Variants in SORL1 observed in about 807,000 individuals in gnomAD.
SORL1 encodes sortilin related receptor 1.
A neutral mutation model predicts 273.7 loss-of-function variants in SORL1; 127 were observed. That is an observed-to-expected ratio of 0.46 (90% CI 0.40 to 0.54). The LOEUF (loss-of-function observed/expected upper bound fraction) is 0.54. Among genes scored for constraint, SORL1 ranks in the 20% least tolerant of loss-of-function variants. The probability of loss-of-function intolerance (pLI) is 0.00; values close to 1 mark genes in which losing one functional copy is unlikely to be tolerated. For synonymous variants in SORL1, 1,031 were observed against 1,067.4 expected (o/e 0.97, Z 0.66); for missense variants, 2,494 against 2,846.1 (o/e 0.88, Z 2.81).
intron 16 of SORL1, among the ~76,000 whole-genome samples, chr11:121,552,990 C>T (rs1265212973): frequency 6.6e-6 from 1 of 152,234 alleles, no homozygotes; most frequent in Non-Finnish European, 1.5e-5. Context: ...TGTACTGGGT[C>T]TTCCTATTTC....
chr11:121,515,116 T>C (rs957480767), intron 8 of SORL1, among the ~76,000 whole-genome samples: 2 of 152,234 alleles, frequency 1.3e-5, no homozygotes, highest in African/African-American at 4.8e-5. Flanking sequence ...TTCTGGGCAA[T>C]TCATTCCGTT....
chr11:121,584,515 T>A (rs1591338605), intron 26 of SORL1, among the ~76,000 whole-genome samples: 2 of 152,108 alleles, frequency 1.3e-5, no homozygotes, highest in East Asian at 3.9e-4. Flanking sequence ...TTTTCATACT[T>A]ATACCTAATC....
chr11:121,473,704 G>A (rs1251098123), intron 2 of SORL1, among the ~76,000 whole-genome samples: 1 of 152,116 alleles, frequency 6.6e-6, no homozygotes, highest in Admixed American at 6.6e-5. Flanking sequence ...AGACCAGCCC[G>A]GCCAACATGG....
intron 2 of SORL1, among the ~76,000 whole-genome samples, chr11:121,477,685 A>G (rs1262857696): frequency 6.6e-6 from 1 of 151,972 alleles, no homozygotes; most frequent in Non-Finnish European, 1.5e-5. Context: ...GTCATTTCCT[A>G]TCAGGCACCT....
chr11:121,606,387 G>A (rs1629493), intron 35 of SORL1, among the ~76,000 whole-genome samples: 74,338 of 152,070 alleles, frequency 0.49, 20,068 homozygotes, highest in Non-Finnish European at 0.63. Flanking sequence ...TCATTAAGGA[G>A]CCTGCTTTGA....
Position 121,605,098 on chromosome 11 carries a change from C to T in SORL1, c.4652-15C>T. 1.3e-6 allele frequency: 2 copies of T among 1,599,192 alleles called. No homozygotes were observed. Among genetic ancestry groups the T allele is most frequent in the Non-Finnish European group, 8.5e-7 (1 of 1,172,744 alleles). The stretch of plus-strand genomic sequence containing the variant: ...GATGTAACTTTGTTTGTCTTTTTCT[C>T]CTTTATCTCTCTAGATGAGTTGACT... On this transcript the variant is annotated splice_polypyrimidine_tract_variant and intron_variant, in intron 33 of 47. Transcript: ENST00000260197.
At position 121,520,822 on chromosome 11, in the gene SORL1, G is replaced by A. The variant is rs1301870458; in HGVS notation, c.1377G>A (p.Thr459=). 6.9e-6 allele frequency: 11 copies of A among 1,596,512 alleles called. No homozygotes were observed. The highest frequency in any genetic ancestry group is 1.1e-5 in the South Asian group (1 of 87,354). The change falls in exon 9 of 48, where the codon ACG becomes ACA. Residue 459 remains threonine, a synonymous_variant. Transcript: ENST00000260197. ...AGTTTCTTCAGGCTCCAGCCTTCAC[G>A]GGATATGGAGAGAAAATCAATTGTG... is the stretch of plus-strand genomic sequence containing the variant. ...TWEFLQAPAF[T]GYGEKINCEL...
chr11:121,583,483 C>CGA lies in SORL1; in HGVS notation c.3606_3607insGA (p.Asn1203GlufsTer139). ...CCATCTATCACACCTGTGAGGCCTC[C>CGA]AACTTCCAGTGCCGAAACGGGCACT... On this transcript the variant is annotated frameshift_variant, in exon 26 of 48. Coordinates refer to ENST00000260197, the MANE Select transcript of SORL1 (RefSeq NM_003105.6). LOFTEE classifies it high-confidence loss of function. 6.2e-7 allele frequency: 1 copy of CGA among 1,613,076 alleles called. No homozygotes were observed. The highest frequency in any genetic ancestry group is 8.5e-7 in the Non-Finnish European group (1 of 1,179,546).
At chr11:121,537,490 G>C (rs139943379) in intron 12 of SORL1, among the ~76,000 whole-genome samples, 12 of 152,244 alleles carry the variant, frequency 7.9e-5, no homozygotes, top group African/African-American at 2.9e-4. Context: ...AAAGGAGTAG[G>C]CTTGCAGGGC....
chr11:121,538,372 C>T (rs1369874073), intron 12 of SORL1, among the ~76,000 whole-genome samples: 1 of 152,158 alleles, frequency 6.6e-6, no homozygotes, highest in Admixed American at 6.5e-5. Flanking sequence ...TTACAGGCAA[C>T]CACTGGTATG....
At chr11:121,489,945 C>T (rs898039955) in intron 4 of SORL1, 98 bp from the exon 5 acceptor site, 23 of 862,552 alleles carry the variant, frequency 2.7e-5, no homozygotes, top group Non-Finnish European at 4.1e-5. Context: ...TCACAGACAG[C>T]GTGTCATGGA....
intron 3 of SORL1, among the ~76,000 whole-genome samples, chr11:121,478,525 C>T (rs1361487282): frequency 6.6e-6 from 1 of 152,196 alleles, no homozygotes; most frequent in Non-Finnish European, 1.5e-5. Flanking sequence ...AATACCTTGC[C>T]CGACTTGCAG....
intron 2 of SORL1, among the ~76,000 whole-genome samples, chr11:121,471,293 C>T (rs774260857): frequency 6.6e-6 from 1 of 152,194 alleles, no homozygotes; most frequent in Non-Finnish European, 1.5e-5. Context: ...TCTGGTTTTC[C>T]AGAGGAACCC....
rs202224338 is a variant in SORL1 at position 121,550,567 on chromosome 11, C to T, written c.2181-18C>T. 1 of 1,612,998 alleles carries T rather than the reference C, an allele frequency of 6.2e-7. No homozygotes were observed. The highest frequency in any genetic ancestry group is 1.3e-5 in the African/African-American group (1 of 75,016). On this transcript the variant is annotated intron_variant, in intron 15 of 47. Transcript: ENST00000260197. The surrounding 1 kb of genome is among the most constrained non-coding windows in gnomAD (Gnocchi z 5.3). ...TCTTCCATGTTTCTGACCTCTTGCT[C>T]TTGGGGTGGGGTGACAGCTACCGGA... is the stretch of plus-strand genomic sequence containing the variant.
intron 41 of SORL1, among the ~76,000 whole-genome samples, chr11:121,616,840 C>T (rs1440107648): frequency 1.3e-5 from 2 of 152,194 alleles, no homozygotes; most frequent in Non-Finnish European, 2.9e-5. Flanking sequence ...GTCCTGAGAA[C>T]ATGTGCCCAA....
At chr11:121,461,854 G>A (rs1861005696) in intron 1 of SORL1, among the ~76,000 whole-genome samples, 1 of 152,184 alleles carries the variant, frequency 6.6e-6, no homozygotes, top group South Asian at 2.1e-4. Context: ...CGTTTTGTGA[G>A]GAATGGCTTA....
At chr11:121,523,302 T>TG (rs1353790616) in intron 11 of SORL1, among the ~76,000 whole-genome samples, 1 of 151,974 alleles carries the variant, frequency 6.6e-6, no homozygotes, top group Non-Finnish European at 1.5e-5. Flanking sequence ...TGGCATGGAG[T>TG]GGGGGCTCAG....
Position 121,620,615 on chromosome 11 carries a change from T to C in SORL1, c.5890-449T>C, listed in dbSNP as rs538782988. Among the ~76,000 whole-genome samples, 76 of 152,036 alleles carry C rather than the reference T, an allele frequency of 5.0e-4. 1 individual carries two copies. Among genetic ancestry groups the C allele is most frequent in the Non-Finnish European group, 8.2e-4 (56 of 67,986 alleles). On this transcript the variant is annotated intron_variant, in intron 43 of 47. Coordinates refer to ENST00000260197, the MANE Select transcript of SORL1 (RefSeq NM_003105.6). ...ACTATATGCCCTGTTATTTTCCCCT[T>C]GCCCCCCTATACCCAGAAGCAGCCT...
chr11:121,515,022 C>T (rs1018318973), intron 8 of SORL1, among the ~76,000 whole-genome samples: 14 of 152,124 alleles, frequency 9.2e-5, no homozygotes, highest in African/African-American at 2.4e-4. Context: ...AAGAGTCTCC[C>T]GTGTGAAGCT....
Sources: gnomAD v4.1 joint callset for allele counts (sites outside exome capture counted in the v4.1 genomes callset) on GRCh38, gnomAD v4.1.1 for gene constraint, Gnocchi (gnomAD v3.1) non-coding constraint, MANE v1.5 for transcripts, NCBI Gene and HGNC (gene_info 2026-07-23, HGNC 2026-07-21) for gene names.